Variants in BAALC observed in about 807,000 individuals in gnomAD.
BAALC encodes the protein brain and acute leukemia cytoplasmic protein.
BAALC carries 9 observed loss-of-function variants against 15.5 expected under a neutral mutation model. The ratio of observed to expected loss-of-function variants is 0.58; its 90% CI spans 0.35 to 1.02. The LOEUF (loss-of-function observed/expected upper bound fraction) is 1.02. BAALC is among the 50% of genes least tolerant of loss of function. The pLI is 0.02. For missense variants in BAALC, 201 were observed against 192.4 expected, an observed-to-expected ratio of 1.04 and a Z score of -0.27; for synonymous variants, 80 against 74.6, an observed-to-expected ratio of 1.07 and a Z score of -0.37.
chr8:103,214,507 C>T (rs985699141), intron 2 of BAALC, among the ~76,000 whole-genome samples: 4 of 152,198 alleles, frequency 2.6e-5, no homozygotes, highest in Admixed American at 6.5e-5. Flanking sequence ...CGGGCCAATG[C>T]CACCTGTTTT....
intron 1 of BAALC, among the ~76,000 whole-genome samples, chr8:103,210,976 G>A (rs1812436362): frequency 6.6e-6 from 1 of 151,980 alleles, no homozygotes; most frequent in South Asian, 2.1e-4. Flanking sequence ...ATGAAACAAT[G>A]TTTTCATAAG....
At chr8:103,195,012 G>A (rs1451709687) in intron 1 of BAALC, among the ~76,000 whole-genome samples, 4 of 152,104 alleles carry the variant, frequency 2.6e-5, no homozygotes, top group Non-Finnish European at 1.5e-5. Flanking sequence ...TACCACCTGG[G>A]CAAGGAATTT....
chr8:103,166,143 G>C (rs1483148787), intron 1 of BAALC: 2 of 152,606 alleles, frequency 1.3e-5, no homozygotes, highest in African/African-American at 4.8e-5. Flanking sequence ...GGGAGAGGAG[G>C]TCATCTTTGC....
At chr8:103,175,059 C>T (rs956814871) in intron 1 of BAALC, among the ~76,000 whole-genome samples, 7 of 152,268 alleles carry the variant, frequency 4.6e-5, no homozygotes, top group Non-Finnish European at 7.4e-5. Flanking sequence ...CAGCCTGTGG[C>T]GGAACTTCCT....
chr8:103,225,160 A>G (rs1812776682), intron 2 of BAALC, among the ~76,000 whole-genome samples: 1 of 152,190 alleles, frequency 6.6e-6, no homozygotes, highest in South Asian at 2.1e-4. Context: ...CCTAAATAGT[A>G]TTGCCTACTG....
chr8:103,221,316 G>C (rs1158786447), intron 2 of BAALC, among the ~76,000 whole-genome samples: 2 of 152,126 alleles, frequency 1.3e-5, no homozygotes, highest in Middle Eastern at 3.2e-3. Flanking sequence ...TGTAAAACTA[G>C]GTGAGAAGCC....
chr8:103,166,358 C>T (rs1039223434), intron 1 of BAALC: 3 of 152,556 alleles, frequency 2.0e-5, no homozygotes, highest in South Asian at 2.1e-4. Context: ...AAATTTCCAT[C>T]ATTGAAAAAG....
intron 1 of BAALC, among the ~76,000 whole-genome samples, chr8:103,159,821 C>G (rs1199644392): frequency 6.6e-6 from 1 of 152,058 alleles, no homozygotes; most frequent in African/African-American, 2.4e-5. Flanking sequence ...TTACCGATTT[C>G]TCTAAGGAGC....
At position 103,164,043 on chromosome 8, in the gene BAALC, TA is replaced by T. The variant is rs761524405; in HGVS notation, c.160+22988del. On this transcript the variant is annotated intron_variant, in intron 1 of 2. Transcript: ENST00000309982. ...GTAAGCACCGTGAAGAAAACCAAGA[TA>T]ATAAAATAGAGAGTGACTGGAGATG... 2.1e-3 allele frequency among the ~76,000 whole-genome samples: 327 copies of T among 152,224 alleles called. 1 individual carries two copies. Among genetic ancestry groups the T allele is most frequent in the Non-Finnish European group, 2.9e-3 (194 of 67,990 alleles).
intron 1 of BAALC, among the ~76,000 whole-genome samples, chr8:103,157,392 T>C (rs1811120101): frequency 6.6e-6 from 1 of 152,208 alleles, no homozygotes; most frequent in East Asian, 1.9e-4. Flanking sequence ...ATTGCAAATC[T>C]TGTTTCATCT....
At position 103,140,777 on chromosome 8, in the gene BAALC, G is replaced by T. The variant is rs1252074881; in HGVS notation, c.-121G>T. ...GCTCCGCGCGGCTGCAGCGCGGGCGGGAGCGGGGACGCGATGTCGCCGCCG... is the reference window on the plus strand; with the variant it reads ...GCTCCGCGCGGCTGCAGCGCGGGCGTGAGCGGGGACGCGATGTCGCCGCCG... On this transcript the variant is annotated 5_prime_UTR_variant, in exon 1 of 3. Coordinates refer to ENST00000309982, the MANE Select transcript of BAALC (RefSeq NM_024812.3). The surrounding 1 kb of genome is among the most constrained non-coding windows in gnomAD (Gnocchi z 4.2). 1 of 915,646 alleles carries T rather than the reference G, an allele frequency of 1.1e-6. No individual in the cohort carries two copies. The highest frequency in any genetic ancestry group is 1.4e-6 in the Non-Finnish European group (1 of 713,630). The allele number at this position is 915,646 out of a possible 1,614,324, so 56.7% of individuals were successfully genotyped here.
At chr8:103,142,599 T>C (rs1372876932) in intron 1 of BAALC, among the ~76,000 whole-genome samples, 1 of 152,112 alleles carries the variant, frequency 6.6e-6, no homozygotes, top group East Asian at 1.9e-4. Flanking sequence ...TGAAAAGATC[T>C]AGCATGAAAA....
chr8:103,176,640 G>C (rs1811613061), intron 1 of BAALC, among the ~76,000 whole-genome samples: 1 of 152,150 alleles, frequency 6.6e-6, no homozygotes, highest in Non-Finnish European at 1.5e-5. Context: ...AATTGTCTCT[G>C]TGACCCGCCT....
chr8:103,175,060 G>A (rs781530645), intron 1 of BAALC, among the ~76,000 whole-genome samples: 47 of 152,264 alleles, frequency 3.1e-4, no homozygotes, highest in Non-Finnish European at 4.6e-4. Context: ...AGCCTGTGGC[G>A]GAACTTCCTC....
intron 1 of BAALC, chr8:103,141,503 C>T (rs1198333789): frequency 6.2e-6 from 1 of 161,892 alleles, no homozygotes; most frequent in African/African-American, 2.4e-5. Context: ...GTGCCCCTCT[C>T]TCCCTGGATT....
At chr8:103,146,277 C>T (rs1240204524) in intron 1 of BAALC, among the ~76,000 whole-genome samples, 2 of 152,180 alleles carry the variant, frequency 1.3e-5, no homozygotes, top group African/African-American at 4.8e-5. Flanking sequence ...CCAACCCTCC[C>T]ACCCTGGAGA....
intron 1 of BAALC, among the ~76,000 whole-genome samples, chr8:103,155,499 G>A (rs1420990691): frequency 2.6e-5 from 4 of 152,116 alleles, no homozygotes; most frequent in Non-Finnish European, 4.4e-5. Flanking sequence ...ACCCTGTATC[G>A]GCCAGGCGCT....
At chr8:103,168,106 C>T (rs150052845) in intron 1 of BAALC, among the ~76,000 whole-genome samples, 6 of 152,246 alleles carry the variant, frequency 3.9e-5, no homozygotes, top group African/African-American at 4.8e-5. Context: ...CCAGCTCTAC[C>T]GGGCTATATA....
At chr8:103,165,195 C>A (rs1811317119) in intron 1 of BAALC, among the ~76,000 whole-genome samples, 1 of 152,256 alleles carries the variant, frequency 6.6e-6, no homozygotes, top group African/African-American at 2.4e-5. Flanking sequence ...ACAACTTTGA[C>A]AGAAAACCTT....
Sources: gnomAD v4.1 joint callset for allele counts (sites outside exome capture counted in the v4.1 genomes callset) on GRCh38, gnomAD v4.1.1 for gene constraint, Gnocchi (gnomAD v3.1) non-coding constraint, MANE v1.5 for transcripts, NCBI Gene and HGNC (gene_info 2026-07-23, HGNC 2026-07-21) for gene names.